The following SBF2 variants were observed in gnomAD, a reference collection of about 807,000 sequenced individuals.
SBF2 encodes the protein SET binding factor 2.
Under a neutral mutation model 225.2 loss-of-function variants are expected in SBF2, and 112 were observed. That is an observed-to-expected ratio of 0.50 (90% confidence interval 0.43 to 0.58). The LOEUF is 0.58. Ranked by LOEUF, SBF2 falls within the 20% of genes least tolerant of loss-of-function variation. The probability of loss-of-function intolerance (pLI) is 0.00; values close to 1 mark genes in which losing one functional copy is unlikely to be tolerated. For synonymous variants in SBF2, 763 were observed against 773.3 expected (o/e 0.99, Z 0.22); for missense variants, 1,996 against 2,206.2 (o/e 0.90, Z 1.91).
intron 2 of SBF2, among the ~76,000 whole-genome samples, chr11:10,083,540 A>G (rs182444527): frequency 4.9e-4 from 74 of 152,302 alleles, no homozygotes; most frequent in African/African-American, 1.7e-3. Flanking sequence ...GATACAGATC[A>G]ATGGAACATA....
At chr11:10,067,976 A>G (rs1412046650) in intron 2 of SBF2, among the ~76,000 whole-genome samples, 1 of 152,230 alleles carries the variant, frequency 6.6e-6, no homozygotes, top group African/African-American at 2.4e-5. Context: ...CTTTCCATTA[A>G]TAAGAAACTT....
chr11:10,119,434 A>C (rs1701795120), intron 2 of SBF2, among the ~76,000 whole-genome samples: 1 of 152,182 alleles, frequency 6.6e-6, no homozygotes. Context: ...AACTGTACTT[A>C]ATCTCCCAAA....
At chr11:10,101,659 C>CTGTGTGTGTGTGTGTGTGTGTGTGTGTG (rs144213559) in intron 2 of SBF2, among the ~76,000 whole-genome samples, 1 of 148,050 alleles carries the variant, frequency 6.8e-6, no homozygotes, top group Non-Finnish European at 1.5e-5. Context: ...CTCTCTCGCT[C>CTGTGTGTGTGTGTGTGTGTGTGTGTGTG]TGTGTGTGTG....
chr11:9,859,285 A>T (rs1297205623), intron 17 of SBF2, among the ~76,000 whole-genome samples: 1 of 152,176 alleles, frequency 6.6e-6, no homozygotes, highest in East Asian at 1.9e-4. Context: ...TTTTCCCCTC[A>T]CTTTATGATT....
chr11:10,217,003 A>C (rs1958157681), intron 1 of SBF2, among the ~76,000 whole-genome samples: 4 of 152,216 alleles, frequency 2.6e-5, no homozygotes. Flanking sequence ...ACAGGAGCTA[A>C]AAATAGAAAG....
intron 6 of SBF2, among the ~76,000 whole-genome samples, chr11:10,008,690 T>C (rs545566807): frequency 2.6e-5 from 4 of 152,294 alleles, no homozygotes; most frequent in African/African-American, 4.8e-5. Flanking sequence ...CACCACAAGC[T>C]TGGCAACTGG....
chr11:10,196,855 TATATATATA>T (rs1378439185), intron 1 of SBF2, among the ~76,000 whole-genome samples: 6,478 of 33,928 alleles, frequency 0.19, 548 homozygotes, highest in East Asian at 0.42. Flanking sequence ...TATATATATA[TATATATATA>T]TATTTTTTTT....
At chr11:10,163,743 T>C (rs146196022) in intron 2 of SBF2, among the ~76,000 whole-genome samples, 7 of 152,264 alleles carry the variant, frequency 4.6e-5, no homozygotes, top group African/African-American at 1.7e-4. Flanking sequence ...TGACTTAATA[T>C]ACATAGAGTG....
chr11:9,914,213 A>C (rs913834775), intron 16 of SBF2, among the ~76,000 whole-genome samples: 1 of 152,244 alleles, frequency 6.6e-6, no homozygotes, highest in East Asian at 1.9e-4. Flanking sequence ...TAGACAGCAC[A>C]CAAGAATAGA....
At chr11:9,959,885 A>C in intron 16 of SBF2, 1 of 412,168 alleles carries the variant, frequency 2.4e-6, no homozygotes, top group Non-Finnish European at 4.7e-6. Context: ...GCGCTCAGAA[A>C]CTCTGCTCTT....
At chr11:10,287,900 G>C (rs745916840) in intron 1 of SBF2, among the ~76,000 whole-genome samples, 18 of 152,228 alleles carry the variant, frequency 1.2e-4, no homozygotes, top group Non-Finnish European at 2.4e-4. Context: ...GTGTAAGCGA[G>C]CGTACAGTCT....
chr11:9,917,533 T>C lies in SBF2; in HGVS notation c.1861-21522A>G, dbSNP rs183619524. On this transcript the variant is annotated intron_variant, in intron 16 of 39. Coordinates refer to ENST00000256190, the MANE Select transcript of SBF2 (RefSeq NM_030962.4). The stretch of plus-strand genomic sequence containing the variant: ...TTTTACCAGAGATGGGGTTTCACCA[T>C]GTTGCCCAGGCTGGTCTTGAACTCC... Among the ~76,000 whole-genome samples the C allele has an allele frequency of 1.3e-3, 196 of 151,700 alleles. 8 individuals carry two copies. Among genetic ancestry groups the C allele is most frequent in the African/African-American group, 4.7e-3 (191 of 41,022 alleles).
At chr11:10,140,904 T>C (rs975083195) in intron 2 of SBF2, among the ~76,000 whole-genome samples, 18 of 152,158 alleles carry the variant, frequency 1.2e-4, no homozygotes, top group Admixed American at 9.2e-4. Context: ...AAGATAAATA[T>C]TTTAAGTATA....
intron 2 of SBF2, among the ~76,000 whole-genome samples, chr11:10,137,528 G>A (rs765685759): frequency 3.9e-5 from 6 of 152,130 alleles, no homozygotes; most frequent in Non-Finnish European, 8.8e-5. Flanking sequence ...GTTACCTTCG[G>A]CTTTCTGTAG....
At chr11:10,022,559 C>T (rs1948900495) in intron 6 of SBF2, among the ~76,000 whole-genome samples, 1 of 151,904 alleles carries the variant, frequency 6.6e-6, no homozygotes. Context: ...AGAACTTTCC[C>T]AGCAAAAGTA....
chr11:9,921,064 CTTTTTTTT>C (rs34959264), intron 16 of SBF2, among the ~76,000 whole-genome samples: 14 of 85,898 alleles, frequency 1.6e-4, no homozygotes, highest in African/African-American at 3.4e-4. Context: ...CTGAAAACTT[CTTTTTTTT>C]TTTTTTTTTT....
intron 6 of SBF2, among the ~76,000 whole-genome samples, chr11:10,025,263 A>G (rs1251482534): frequency 6.6e-6 from 1 of 152,164 alleles, no homozygotes; most frequent in Non-Finnish European, 1.5e-5. Flanking sequence ...ATCCAACTCA[A>G]GAAACTGAAA....
intron 16 of SBF2, among the ~76,000 whole-genome samples, chr11:9,904,009 G>T (rs988325784): frequency 1.3e-5 from 2 of 152,036 alleles, no homozygotes; most frequent in African/African-American, 4.8e-5. Flanking sequence ...CTTTTAGAGA[G>T]GCAAAGTGAT....
chr11:10,079,275 G>A (rs1477438593), intron 2 of SBF2, among the ~76,000 whole-genome samples: 1 of 152,038 alleles, frequency 6.6e-6, no homozygotes, highest in Non-Finnish European at 1.5e-5. Flanking sequence ...AAAGAAATTA[G>A]AAAATAAATT....
Sources: allele counts gnomAD v4.1 joint callset (sites outside exome capture counted in the v4.1 genomes callset), GRCh38; gene constraint gnomAD v4.1.1; transcripts MANE v1.5; gene names NCBI Gene and HGNC (gene_info 2026-07-23, HGNC 2026-07-21).